Variants in UNC13C observed in about 807,000 individuals in gnomAD.
The protein encoded by UNC13C is protein unc-13 homolog C.
UNC13C carries 174 observed loss-of-function variants against 245.4 expected under a neutral mutation model. The ratio of observed to expected loss-of-function variants is 0.71; its 90% CI spans 0.63 to 0.80. The LOEUF (loss-of-function observed/expected upper bound fraction) is 0.80. UNC13C is among the 30% of genes least tolerant of loss of function. The pLI is 0.00. For synonymous variants in UNC13C, 992 were observed against 895.1 expected, an observed-to-expected ratio of 1.11 and a Z score of -1.93; for missense variants, 2,829 against 2,602.9, an observed-to-expected ratio of 1.09 and a Z score of -1.89.
intron 2 of UNC13C, among the ~76,000 whole-genome samples, chr15:54,111,287 C>A (rs1424227670): frequency 6.6e-6 from 1 of 152,204 alleles, no homozygotes; most frequent in East Asian, 1.9e-4. Context: ...AAACCTAGAA[C>A]TATGTGACCT....
At chr15:54,173,401 C>A (rs1214226612) in intron 4 of UNC13C, among the ~76,000 whole-genome samples, 1 of 146,808 alleles carries the variant, frequency 6.8e-6, no homozygotes, top group Non-Finnish European at 1.5e-5. Context: ...TCTCTCTGTG[C>A]TTTTTTTGCG....
intron 19 of UNC13C, among the ~76,000 whole-genome samples, chr15:54,431,776 G>A (rs2040878359): frequency 6.6e-6 from 1 of 151,520 alleles, no homozygotes; most frequent in South Asian, 2.1e-4. Context: ...AATACTTGGA[G>A]GTATCAGATA....
the UNC13C span, among the ~76,000 whole-genome samples, chr15:53,907,414 G>A: frequency 6.6e-6 from 1 of 152,034 alleles, no homozygotes; most frequent in African/African-American, 2.4e-5. Context: ...GTAAATATTT[G>A]TAATAGAAGA....
chr15:54,507,313 G>C (rs1894517787), intron 23 of UNC13C, 119 bp downstream of exon 23: 3 of 673,058 alleles, frequency 4.5e-6, no homozygotes, highest in Non-Finnish European at 7.3e-6. Flanking sequence ...TAAGAAATAA[G>C]GATCTTAAGA....
intron 1 of UNC13C, among the ~76,000 whole-genome samples, chr15:53,996,711 A>G (rs1226169332): frequency 1.3e-5 from 2 of 152,136 alleles, no homozygotes; most frequent in Non-Finnish European, 2.9e-5. Context: ...ACATAAAATC[A>G]TAGAGTATGT....
intron 13 of UNC13C, among the ~76,000 whole-genome samples, chr15:54,304,862 A>G (rs2037686106): frequency 1.3e-5 from 2 of 152,074 alleles, no homozygotes; most frequent in Non-Finnish European, 2.9e-5. Flanking sequence ...TATTGTACCA[A>G]TAAAGATTTT....
chr15:54,052,705 G>A (rs937558583), intron 2 of UNC13C, among the ~76,000 whole-genome samples: 8 of 152,120 alleles, frequency 5.3e-5, no homozygotes, highest in African/African-American at 1.9e-4. Flanking sequence ...GCTTAAATTT[G>A]TTTTATAAGT....
In UNC13C at chr15:54,449,301, C is replaced by T. The variant is rs532665685; in HGVS notation, c.4933+34234C>T. 6.6e-5 allele frequency among the ~76,000 whole-genome samples: 10 copies of T among 152,236 alleles called. No homozygotes were observed. In the South Asian group the frequency reaches 2.1e-3, roughly 32 times the overall value. ...TATCTTTGTAGCCTTCTCTGTACTT[C>T]CTGAATTTGAATGTTGGCCTGCCTT... is the stretch of plus-strand genomic sequence containing the variant. On this transcript the variant is annotated intron_variant, in intron 19 of 32. Coordinates refer to ENST00000260323, the MANE Select transcript of UNC13C (RefSeq NM_001080534.3).
intron 19 of UNC13C, among the ~76,000 whole-genome samples, chr15:54,488,104 A>G (rs1014496381): frequency 6.6e-6 from 1 of 152,218 alleles, no homozygotes; most frequent in Non-Finnish European, 1.5e-5. Flanking sequence ...ACTTCTAATT[A>G]CATGGCTTAC....
chr15:54,335,217 A>G (rs73415723), intron 16 of UNC13C, among the ~76,000 whole-genome samples: 2 of 152,070 alleles, frequency 1.3e-5, no homozygotes, highest in Non-Finnish European at 1.5e-5. Flanking sequence ...TGAATTGCCA[A>G]CTTTCCCCTA....
At chr15:54,405,704 A>T (rs905266307) in intron 18 of UNC13C, among the ~76,000 whole-genome samples, 1 of 152,162 alleles carries the variant, frequency 6.6e-6, no homozygotes, top group African/African-American at 2.4e-5. Context: ...TGTCTGAAAA[A>T]TGGAGTGTTT....
At chr15:53,850,220 C>T in the UNC13C span, among the ~76,000 whole-genome samples, 1 of 151,700 alleles carries the variant, frequency 6.6e-6, no homozygotes, top group African/African-American at 2.4e-5. Context: ...TCAAGACCAG[C>T]CTGGGCAACA....
At chr15:54,506,452 T>C (rs925923788) in intron 22 of UNC13C, among the ~76,000 whole-genome samples, 1 of 152,072 alleles carries the variant, frequency 6.6e-6, no homozygotes, top group Non-Finnish European at 1.5e-5. Flanking sequence ...GGTCTGCTGC[T>C]TGATAAGATT....
rs1456043512 is a variant in UNC13C at position 54,013,480 on chromosome 15, T to G, written c.577T>G (p.Cys193Gly). Residue 193 changes from cysteine (C) to glycine (G), a missense_variant, in exon 2 of 33, where the codon TGT (cysteine) becomes GGT (glycine). Transcript: ENST00000260323. Reference protein sequence around the residue: ...KLRKWKKSQECVSSDSELSTM... With the variant: ...KLRKWKKSQEGVSSDSELSTM... ...GAGAAAATGGAAAAAGAGTCAAGAATGTGTCTCCTCAGACTCAGAGTTAAG... is the reference window on the plus strand; with the variant it reads ...GAGAAAATGGAAAAAGAGTCAAGAAGGTGTCTCCTCAGACTCAGAGTTAAG... 1.2e-6 allele frequency: 2 copies of G among 1,613,840 alleles called. No homozygotes were observed. The highest frequency in any genetic ancestry group is 4.5e-5 in the East Asian group (2 of 44,876).
intron 2 of UNC13C, among the ~76,000 whole-genome samples, chr15:54,071,560 A>G (rs1402218402): frequency 6.6e-6 from 1 of 152,194 alleles, no homozygotes; most frequent in East Asian, 1.9e-4. Flanking sequence ...GGCTGACTCC[A>G]ATCCAGTGTA....
At chr15:54,417,843 G>A (rs1178688491) in intron 19 of UNC13C, among the ~76,000 whole-genome samples, 1 of 152,114 alleles carries the variant, frequency 6.6e-6, no homozygotes, top group African/African-American at 2.4e-5. Context: ...GTAGATTAGT[G>A]ACATAATTCA....
the UNC13C span, among the ~76,000 whole-genome samples, chr15:53,908,586 C>G: frequency 7.1e-6 from 1 of 140,664 alleles, no homozygotes; most frequent in Non-Finnish European, 1.5e-5. Flanking sequence ...AACAAACAAA[C>G]AAACAAACAC....
intron 2 of UNC13C, among the ~76,000 whole-genome samples, chr15:54,095,948 A>C (rs1430373310): frequency 6.6e-6 from 1 of 152,202 alleles, no homozygotes; most frequent in Non-Finnish European, 1.5e-5. Flanking sequence ...GCACGTGTCC[A>C]TGTCGAATTG....
chr15:54,457,229 C>T (rs1026953940), intron 19 of UNC13C, among the ~76,000 whole-genome samples: 1 of 152,076 alleles, frequency 6.6e-6, no homozygotes, highest in African/African-American at 2.4e-5. Flanking sequence ...GTATGAAACC[C>T]TCTTAATTAT....
Sources: allele counts gnomAD v4.1 joint callset (sites outside exome capture counted in the v4.1 genomes callset), GRCh38; gene constraint gnomAD v4.1.1; transcripts MANE v1.5; gene names NCBI Gene and HGNC (gene_info 2026-07-23, HGNC 2026-07-21).